TFEC: variants seen among roughly 807,000 people sequenced by gnomAD.
TFEC encodes class E basic helix-loop-helix protein 34.
Under a neutral mutation model 41.6 loss-of-function variants are expected in TFEC, and 31 were observed. The ratio of observed to expected loss-of-function variants is 0.74; its 90% confidence interval spans 0.56 to 1.01. The LOEUF is 1.01. Among genes scored for constraint, TFEC ranks in the 50% least tolerant of loss-of-function variants. TFEC has a pLI of 0.00. For missense variants in TFEC, 402 were observed against 404.1 expected, an observed-to-expected ratio of 0.99 and a Z score of 0.04; for synonymous variants, 143 against 140.6, an observed-to-expected ratio of 1.02 and a Z score of -0.12.
At chr7:116,036,179 A>G (rs1308104335) in intron 3 of TFEC, among the ~76,000 whole-genome samples, 1 of 151,910 alleles carries the variant, frequency 6.6e-6, no homozygotes, top group Non-Finnish European at 1.5e-5. Context: ...GGACCATAAC[A>G]TTTTCTTCTT....
intron 3 of TFEC, among the ~76,000 whole-genome samples, chr7:115,961,159 G>A (rs1053791312): frequency 8.6e-5 from 13 of 151,630 alleles, no homozygotes; most frequent in African/African-American, 2.4e-5. Flanking sequence ...CAGCCCAATA[G>A]ACTTGTATAT....
At chr7:116,080,201 A>C (rs1797055673) in intron 3 of TFEC, among the ~76,000 whole-genome samples, 1 of 152,156 alleles carries the variant, frequency 6.6e-6, no homozygotes, top group Non-Finnish European at 1.5e-5. Context: ...AAGGACTTAA[A>C]TCCAAGATCT....
chr7:116,142,865 A>T (rs1422734531), intron 1 of TFEC, among the ~76,000 whole-genome samples: 2 of 152,224 alleles, frequency 1.3e-5, no homozygotes, highest in Non-Finnish European at 2.9e-5. Context: ...ATTTATAACA[A>T]AAAAGTCCTA....
intron 3 of TFEC, among the ~76,000 whole-genome samples, chr7:115,969,103 C>T (rs1349806451): frequency 1.3e-5 from 2 of 151,644 alleles, no homozygotes; most frequent in African/African-American, 4.8e-5. Context: ...ACAATTATTT[C>T]AATACTATGT....
At chr7:115,944,154 A>G (rs1562876827) in intron 6 of TFEC, among the ~76,000 whole-genome samples, 3 of 150,458 alleles carry the variant, frequency 2.0e-5, no homozygotes, top group Non-Finnish European at 4.4e-5. Flanking sequence ...GAGAGTAAAG[A>G]TTAAGTAAAA....
chr7:116,110,416 G>T (rs1181255169), intron 3 of TFEC, among the ~76,000 whole-genome samples: 1 of 152,066 alleles, frequency 6.6e-6, no homozygotes, highest in Non-Finnish European at 1.5e-5. Context: ...ATATCAAGTA[G>T]TAGTTGTATC....
chr7:115,966,226 G>T (rs1011734577), intron 3 of TFEC, among the ~76,000 whole-genome samples: 4 of 151,628 alleles, frequency 2.6e-5, no homozygotes, highest in Admixed American at 2.0e-4. Flanking sequence ...TAACTCTCAA[G>T]ATGAAAGATT....
At chr7:116,071,525 T>C (rs1024836903) in intron 3 of TFEC, among the ~76,000 whole-genome samples, 1 of 151,402 alleles carries the variant, frequency 6.6e-6, no homozygotes, top group African/African-American at 2.4e-5. Flanking sequence ...CTTAACATGA[T>C]TTTAAGAATA....
chr7:116,073,433 G>C (rs983244337), intron 3 of TFEC, among the ~76,000 whole-genome samples: 2 of 151,470 alleles, frequency 1.3e-5, no homozygotes, highest in African/African-American at 4.8e-5. Flanking sequence ...ATGGCTCTTA[G>C]AAAACTTGGA....
chr7:116,045,521 A>G (rs1796142856), intron 3 of TFEC, among the ~76,000 whole-genome samples: 2 of 152,212 alleles, frequency 1.3e-5, no homozygotes, highest in Non-Finnish European at 2.9e-5. Flanking sequence ...CTGCGTGTAC[A>G]TAGAAGTCAG....
chr7:116,047,366 C>T (rs949549472), intron 3 of TFEC, among the ~76,000 whole-genome samples: 2 of 152,170 alleles, frequency 1.3e-5, no homozygotes, highest in African/African-American at 4.8e-5. Context: ...CTGCACCTGG[C>T]TCGGAGGGTC....
intron 2 of TFEC, among the ~76,000 whole-genome samples, chr7:115,979,420 T>C (rs913307029): frequency 9.9e-5 from 15 of 152,080 alleles, no homozygotes; most frequent in Non-Finnish European, 1.8e-4. Flanking sequence ...CCTCTAAGTC[T>C]TTTTATATAA....
intron 3 of TFEC, among the ~76,000 whole-genome samples, chr7:116,072,945 T>C (rs1021147144): frequency 1.3e-5 from 2 of 151,432 alleles, no homozygotes; most frequent in Non-Finnish European, 3.0e-5. Context: ...TTTAACATTG[T>C]GCTGGAGGGT....
intron 1 of TFEC, among the ~76,000 whole-genome samples, chr7:115,989,940 C>A (rs1472791148): frequency 1.3e-5 from 2 of 152,198 alleles, no homozygotes; most frequent in African/African-American, 4.8e-5. Context: ...AAGTGGGTCC[C>A]TGACCCCCAA....
intron 3 of TFEC, among the ~76,000 whole-genome samples, chr7:115,973,020 T>G (rs927896183): frequency 1.3e-5 from 2 of 152,038 alleles, no homozygotes; most frequent in African/African-American, 4.8e-5. Context: ...GAATTAGTTT[T>G]CATGTCACTA....
Position 115,956,661 on chromosome 7 carries a change from C to G in TFEC, c.382+18G>C. Reference sequence around the variant, plus strand: ...ATTAATAAAAATAAAAAGGGTAAAACTATAAAAGCAACATTACCTGTAATT... The same window carrying G: ...ATTAATAAAAATAAAAAGGGTAAAAGTATAAAAGCAACATTACCTGTAATT... On this transcript the variant is annotated intron_variant, in intron 4 of 7. Coordinates refer to ENST00000265440, the MANE Select transcript of TFEC (RefSeq NM_012252.4). 6.4e-7 allele frequency: 1 copy of G among 1,564,292 alleles called. No individual in the cohort carries two copies. Among genetic ancestry groups the G allele is most frequent in the Non-Finnish European group, 8.7e-7 (1 of 1,144,744 alleles).
At chr7:115,954,744 C>T (rs912737120) in intron 4 of TFEC, 102 bp from the exon 5 acceptor site, 1 of 836,562 alleles carries the variant, frequency 1.2e-6, no homozygotes, top group Admixed American at 3.0e-5. Context: ...ATATTATTTG[C>T]TCCAAAACGG....
intron 3 of TFEC, among the ~76,000 whole-genome samples, chr7:116,092,783 G>A (rs1213880104): frequency 1.3e-5 from 2 of 152,102 alleles, no homozygotes; most frequent in African/African-American, 4.8e-5. Context: ...GGGTGAAAAA[G>A]TAGAAAATGT....
At chr7:116,104,963 C>A in intron 3 of TFEC, among the ~76,000 whole-genome samples, 1 of 152,106 alleles carries the variant, frequency 6.6e-6, no homozygotes, top group East Asian at 1.9e-4. Context: ...AATATTTTTT[C>A]ACTGCCTTCT....
Sources: allele counts gnomAD v4.1 joint callset (sites outside exome capture counted in the v4.1 genomes callset), GRCh38; gene constraint gnomAD v4.1.1; transcripts MANE v1.5; gene names NCBI Gene and HGNC (gene_info 2026-07-23, HGNC 2026-07-21).